The following SEMA3E variants were observed in gnomAD, a reference collection of about 807,000 sequenced individuals.
SEMA3E encodes semaphorin 3E.
In SEMA3E, 49 loss-of-function variants were observed where a neutral mutation model predicts 93.6. The ratio of observed to expected loss-of-function variants is 0.52; its 90% CI spans 0.42 to 0.66. SEMA3E has a LOEUF of 0.66. Among genes scored for constraint, SEMA3E ranks in the 30% least tolerant of loss-of-function variants. The pLI, the probability that SEMA3E is intolerant of heterozygous loss-of-function variation, is 0.00. For synonymous variants in SEMA3E, 363 were observed against 330.7 expected, an observed-to-expected ratio of 1.10 and a Z score of -1.06; for missense variants, 906 against 964.8, an observed-to-expected ratio of 0.94 and a Z score of 0.81.
intron 14 of SEMA3E, among the ~76,000 whole-genome samples, chr7:83,390,593 T>C (rs1262789745): frequency 6.6e-6 from 1 of 152,192 alleles, no homozygotes; most frequent in Non-Finnish European, 1.5e-5. Flanking sequence ...TCTGCTTCTA[T>C]TCAGGTCTGA....
At position 83,479,106 on chromosome 7, in the gene SEMA3E, C is replaced by T. The variant is rs184450732; in HGVS notation, c.277-9804G>A. On this transcript the variant is annotated intron_variant, in intron 2 of 16. Coordinates refer to ENST00000643230, the MANE Select transcript of SEMA3E (RefSeq NM_012431.3). ...ACTAGTCTGTGGTTTCCATCCTTAA[C>T]CCTTACTGCATACCCTCTTCCCACC... Among the ~76,000 whole-genome samples, 119 of 152,280 alleles carry T rather than the reference C, an allele frequency of 7.8e-4. 2 individuals carry two copies. The highest frequency in any genetic ancestry group is 2.7e-3 in the African/African-American group (114 of 41,560).
At chr7:83,430,652 G>A (rs1055191578) in intron 4 of SEMA3E, among the ~76,000 whole-genome samples, 4 of 152,040 alleles carry the variant, frequency 2.6e-5, no homozygotes, top group African/African-American at 9.7e-5. Context: ...CACAGGGAGG[G>A]GAACATCACA....
intron 4 of SEMA3E, among the ~76,000 whole-genome samples, chr7:83,439,078 A>G (rs1293488936): frequency 2.0e-5 from 3 of 152,318 alleles, no homozygotes; most frequent in East Asian, 1.9e-4. Context: ...TTTCATGGGA[A>G]GGAAGTCATA....
chr7:83,434,702 T>G (rs1788964359), intron 4 of SEMA3E, among the ~76,000 whole-genome samples: 1 of 146,266 alleles, frequency 6.8e-6, no homozygotes. Flanking sequence ...TATCCTCAAC[T>G]GTATTTCTTT....
At chr7:83,498,099 ATTTTC>A (rs1197300381) in intron 1 of SEMA3E, among the ~76,000 whole-genome samples, 16 of 152,046 alleles carry the variant, frequency 1.1e-4, no homozygotes, top group Non-Finnish European at 7.4e-5. Context: ...TTTTCTTAAC[ATTTTC>A]TTTTCTTTAG....
At chr7:83,449,171 C>T (rs2115812549) in intron 4 of SEMA3E, among the ~76,000 whole-genome samples, 1 of 151,760 alleles carries the variant, frequency 6.6e-6, no homozygotes, top group East Asian at 1.9e-4. Flanking sequence ...GTAATCTTGG[C>T]TCACTGCAAC....
At chr7:83,589,637 T>C (rs1792712434) in intron 1 of SEMA3E, among the ~76,000 whole-genome samples, 1 of 152,154 alleles carries the variant, frequency 6.6e-6, no homozygotes, top group South Asian at 2.1e-4. Flanking sequence ...TTATTTTAAA[T>C]ATATTTTAAC....
chr7:83,630,614 T>C (rs1793767656), intron 1 of SEMA3E, among the ~76,000 whole-genome samples: 1 of 152,212 alleles, frequency 6.6e-6, no homozygotes, highest in South Asian at 2.1e-4. Context: ...TATTTTGAAA[T>C]ATTATCAATT....
Position 83,363,495 on chromosome 7 carries a change from T to A in SEMA3E, c.*4091A>T, listed in dbSNP as rs1272669235. The A allele has an allele frequency of 2.0e-5, 3 of 152,090 alleles. No individual in the cohort carries two copies. Among genetic ancestry groups the A allele is most frequent in the Admixed American group, 1.3e-4 (2 of 15,262 alleles). The allele number at this position is 152,090 out of a possible 1,614,324, so 9.4% of individuals were successfully genotyped here. A position where few individuals can be genotyped will look rare whatever the true frequency, so the allele number is the denominator to read the frequency against. ...CCATACAGAGAAGAACACTCCCATA[T>A]AGTGCTCTAGCTTATAAGTAAGCCA... On this transcript the variant is annotated 3_prime_UTR_variant, in exon 17 of 17. Coordinates refer to ENST00000643230, the MANE Select transcript of SEMA3E (RefSeq NM_012431.3).
chr7:83,435,562 C>G (rs1788987404), intron 4 of SEMA3E, among the ~76,000 whole-genome samples: 1 of 152,152 alleles, frequency 6.6e-6, no homozygotes, highest in South Asian at 2.1e-4. Context: ...TGCCACTGCA[C>G]TCCAGCGTGG....
intron 16 of SEMA3E, among the ~76,000 whole-genome samples, chr7:83,368,503 T>G (rs1794707791): frequency 6.6e-6 from 1 of 152,170 alleles, no homozygotes; most frequent in Non-Finnish European, 1.5e-5. Context: ...TAGTGACCAA[T>G]GTTTCTACAA....
At chr7:83,633,924 C>T (rs1365352315) in intron 1 of SEMA3E, among the ~76,000 whole-genome samples, 1 of 152,208 alleles carries the variant, frequency 6.6e-6, no homozygotes, top group Admixed American at 6.5e-5. Context: ...GAGATCACTC[C>T]CTGAAGTAGT....
intron 1 of SEMA3E, among the ~76,000 whole-genome samples, chr7:83,584,978 G>A (rs2191533): frequency 0.27 from 40,462 of 151,992 alleles, 5,831 homozygotes; most frequent in East Asian, 0.39. Flanking sequence ...CTTACCGTGA[G>A]CAAGAGTCGA....
intron 1 of SEMA3E, among the ~76,000 whole-genome samples, chr7:83,591,061 C>A (rs1792746739): frequency 7.2e-6 from 1 of 138,112 alleles, no homozygotes; most frequent in Non-Finnish European, 1.5e-5. Flanking sequence ...TAATTTATTT[C>A]TTAATGTTAT....
intron 1 of SEMA3E, among the ~76,000 whole-genome samples, chr7:83,619,916 T>C (rs533903967): frequency 4.8e-5 from 7 of 144,984 alleles, no homozygotes; most frequent in Admixed American, 1.5e-4. Context: ...GATAGATAGA[T>C]AGATAGACAG....
intron 1 of SEMA3E, among the ~76,000 whole-genome samples, chr7:83,512,327 A>T (rs1790841485): frequency 6.6e-6 from 1 of 152,204 alleles, no homozygotes; most frequent in South Asian, 2.1e-4. Context: ...TCAAGCTAGC[A>T]ACCCCACGTA....
chr7:83,562,077 A>G (rs758806658), intron 1 of SEMA3E, among the ~76,000 whole-genome samples: 2 of 152,186 alleles, frequency 1.3e-5, no homozygotes, highest in African/African-American at 2.4e-5. Context: ...TAAGTCTGAC[A>G]TTTTAGTTCA....
At chr7:83,592,371 A>C (rs2115950060) in intron 1 of SEMA3E, among the ~76,000 whole-genome samples, 1 of 152,218 alleles carries the variant, frequency 6.6e-6, no homozygotes, top group Admixed American at 6.5e-5. Flanking sequence ...AGTGTAAATT[A>C]TTTCCAGGTT....
intron 14 of SEMA3E, among the ~76,000 whole-genome samples, chr7:83,390,713 T>C (rs947790803): frequency 2.0e-5 from 3 of 152,172 alleles, no homozygotes; most frequent in East Asian, 1.9e-4. Flanking sequence ...TTGACAGCAC[T>C]GAAAGATCTC....
Sources: gnomAD v4.1 joint callset for allele counts (sites outside exome capture counted in the v4.1 genomes callset) on GRCh38, gnomAD v4.1.1 for gene constraint, MANE v1.5 for transcripts, NCBI Gene and HGNC (gene_info 2026-07-23, HGNC 2026-07-21) for gene names.